BAIAP2L1: variants seen among roughly 807,000 people sequenced by gnomAD.
BAIAP2L1 encodes the protein BAR/IMD domain containing adaptor protein 2 like 1, also known as BAR/IMD domain-containing adapter protein 2-like 1.
In BAIAP2L1, 35 loss-of-function variants were observed where a neutral mutation model predicts 66.3. The observed-to-expected ratio is 0.53, with a 90% CI of 0.40 to 0.70. The LOEUF is 0.70. Ranked by LOEUF, BAIAP2L1 falls within the 30% of genes least tolerant of loss-of-function variation. The probability of loss-of-function intolerance (pLI) is 0.00; values close to 1 mark genes in which losing one functional copy is unlikely to be tolerated. For synonymous variants in BAIAP2L1, 269 were observed against 248.7 expected, an observed-to-expected ratio of 1.08 and a Z score of -0.77; for missense variants, 622 against 656.9, an observed-to-expected ratio of 0.95 and a Z score of 0.58.
intron 1 of BAIAP2L1, among the ~76,000 whole-genome samples, chr7:98,363,027 C>CTT (rs71537235): frequency 0.011 from 852 of 75,444 alleles, 3 homozygotes; most frequent in African/African-American, 0.021. Context: ...GGCATTTTTT[C>CTT]TTTTTTTTTT....
rs1803134805 is a variant in BAIAP2L1, at chr7:98,393,929, C to A, written c.51+6873G>T. On this transcript the variant is annotated intron_variant, in intron 1 of 13. Transcript: ENST00000005260. ...GACCAGCCTGAACAACATGGTGAAA[C>A]CCCATCTCTACTAAAAATATAAAAA... Among the ~76,000 whole-genome samples, 3 of 148,878 alleles carry A rather than the reference C, an allele frequency of 2.0e-5. No homozygotes were observed. The South Asian group carries it at 6.4e-4, about 32-fold the overall frequency.
intron 12 of BAIAP2L1, among the ~76,000 whole-genome samples, chr7:98,300,873 T>C (rs1328983319): frequency 6.6e-6 from 1 of 152,152 alleles, no homozygotes; most frequent in African/African-American, 2.4e-5. Context: ...CCAGGCCTTG[T>C]GTTTTTGCCG....
intron 3 of BAIAP2L1, among the ~76,000 whole-genome samples, chr7:98,353,544 T>TATATTATAAATATACGTATATTA (rs1802049904): frequency 2.9e-5 from 4 of 136,092 alleles, no homozygotes; most frequent in African/African-American, 1.1e-4. Flanking sequence ...TACATATATT[T>TATATTATAAATATACGTATATTA]ATATTATAAA....
In BAIAP2L1 at chr7:98,394,299, T is replaced by C. The variant is rs1354229103; in HGVS notation, c.51+6503A>G. On this transcript the variant is annotated intron_variant, in intron 1 of 13. Coordinates refer to ENST00000005260, the MANE Select transcript of BAIAP2L1 (RefSeq NM_018842.5). Reference sequence around the variant, plus strand: ...TAAAACAAACAAAAAATCCCTTTCATGCATGCAGTTATGATAGTTTTAGAG... The same window carrying C: ...TAAAACAAACAAAAAATCCCTTTCACGCATGCAGTTATGATAGTTTTAGAG... Among the ~76,000 whole-genome samples, 2 of 152,020 alleles carry C rather than the reference T, an allele frequency of 1.3e-5. 1 individual carries two copies. Among genetic ancestry groups the C allele is most frequent in the Non-Finnish European group, 2.9e-5 (2 of 68,008 alleles).
At chr7:98,361,305 C>T (rs10224009) in intron 2 of BAIAP2L1, among the ~76,000 whole-genome samples, 3 of 151,158 alleles carry the variant, frequency 2.0e-5, no homozygotes, top group Admixed American at 1.3e-4. Context: ...TGCAGTGAGC[C>T]GAGATTGTTC....
rs780863129 is a variant in BAIAP2L1, at chr7:98,304,202, C to T, written c.1416G>A (p.Ala472=). Residue 472 remains alanine (A), a synonymous_variant, in exon 12 of 14, where the codon GCG becomes GCA. Transcript: ENST00000005260. The part of the protein sequence containing the change: ...FKAPASKPET[A]APNDANGTAK... ...CTGCTGCGGCTTTACTCACAGGAGCCGCGGTCTCGGGCTTGGACGCTGGGG... is the reference window on the plus strand; with the variant it reads ...CTGCTGCGGCTTTACTCACAGGAGCTGCGGTCTCGGGCTTGGACGCTGGGG... The T allele has an allele frequency of 2.1e-5, 33 of 1,591,328 alleles. No homozygotes were observed. In the East Asian group the frequency reaches 3.4e-4, roughly 16 times the overall value.
At chr7:98,297,570 T>C (rs769995117) in intron 12 of BAIAP2L1, among the ~76,000 whole-genome samples, 1 of 152,208 alleles carries the variant, frequency 6.6e-6, no homozygotes, top group Non-Finnish European at 1.5e-5. Context: ...CACTGACACC[T>C]GTCTTCAGTG....
At position 98,293,529 on chromosome 7, in the gene BAIAP2L1, T is replaced by C. The variant is rs1421515060; in HGVS notation, c.1528A>G (p.Ile510Val). 1 of 1,613,372 alleles carries C rather than the reference T, an allele frequency of 6.2e-7. No individual in the cohort carries two copies. The highest frequency in any genetic ancestry group is 1.7e-5 in the Admixed American group (1 of 60,016). Residue 510 changes from isoleucine (I) to valine (V), a missense_variant, in exon 14 of 14, where the codon ATT (isoleucine) becomes GTT (valine). Physicochemically the swap from Ile to Val is conservative, Grantham distance 29 (BLOSUM62 3). Coordinates refer to ENST00000005260, the MANE Select transcript of BAIAP2L1 (RefSeq NM_018842.5). ...AGTCCTTGGCTGTCCTCTCATCGAA[T>C]GATGGGTGCCGAGCGATCATTCGTC... ...TVTNDRSAPIIR is the reference protein window; with the variant it reads ...TVTNDRSAPIVR
At chr7:98,294,190 G>A in intron 12 of BAIAP2L1, 79 bp from the exon 13 acceptor site, 3 of 1,482,920 alleles carry the variant, frequency 2.0e-6, no homozygotes, top group Non-Finnish European at 2.8e-6. Context: ...ATGGGGATTT[G>A]CTATGTTGCC....
chr7:98,293,407 A>T lies in BAIAP2L1; in HGVS notation c.*114T>A. 1.1e-6 allele frequency: 1 copy of T among 938,258 alleles called. No homozygotes were observed. The highest frequency in any genetic ancestry group is 1.7e-6 in the Non-Finnish European group (1 of 599,898). The allele number at this position is 938,258 out of a possible 1,614,324, so 58.1% of individuals were successfully genotyped here. ...ATGATTTGCTTAAGCAGGCGACATT[A>T]GAGTTAGGCCTCTCCACTGAAGCTT... On this transcript the variant is annotated 3_prime_UTR_variant, in exon 14 of 14. Coordinates refer to ENST00000005260, the MANE Select transcript of BAIAP2L1 (RefSeq NM_018842.5).
intron 13 of BAIAP2L1, among the ~76,000 whole-genome samples, chr7:98,293,866 G>T (rs1271979442): frequency 6.6e-6 from 1 of 152,214 alleles, no homozygotes; most frequent in Non-Finnish European, 1.5e-5. Context: ...TGTGACATGG[G>T]GGTCACTCTG....
chr7:98,331,367 C>T (rs922326840), intron 3 of BAIAP2L1, among the ~76,000 whole-genome samples: 1 of 151,896 alleles, frequency 6.6e-6, no homozygotes. Context: ...CACCAAACCA[C>T]AGACCCAAAA....
At chr7:98,354,429 A>G (rs1483015431) in intron 3 of BAIAP2L1, among the ~76,000 whole-genome samples, 2 of 152,158 alleles carry the variant, frequency 1.3e-5, no homozygotes, top group African/African-American at 4.8e-5. Flanking sequence ...AACATATTCA[A>G]CAAGTTTTTT....
chr7:98,394,751 G>GC (rs1209309461), intron 1 of BAIAP2L1, among the ~76,000 whole-genome samples: 3 of 152,178 alleles, frequency 2.0e-5, no homozygotes, highest in Admixed American at 2.0e-4. Context: ...AGAAATGAGG[G>GC]CCTATGGCCA....
At chr7:98,326,093 A>C (rs1291989675) in intron 3 of BAIAP2L1, among the ~76,000 whole-genome samples, 1 of 152,214 alleles carries the variant, frequency 6.6e-6, no homozygotes, top group Non-Finnish European at 1.5e-5. Context: ...GATGGGCCAC[A>C]CAGTGAAACC....
intron 3 of BAIAP2L1, 133 bp downstream of exon 3, chr7:98,354,909 A>T: frequency 3.0e-6 from 2 of 676,124 alleles, no homozygotes; most frequent in Non-Finnish European, 5.4e-6. Flanking sequence ...ATTTCCACAG[A>T]CCGCGGTGAA....
In BAIAP2L1 at chr7:98,304,326, C is replaced by G; in HGVS notation, c.1292G>C (p.Ser431Thr). ...GTAGTCGGGTGGGGGGATGACAACA[C>G]TGCTATTCTCAGACAAGTTCACGGT... Reference protein sequence around the residue: ...ISTVNLSENSSVVIPPPDYLE... With the variant: ...ISTVNLSENSTVVIPPPDYLE... The change falls in exon 12 of 14, where the codon AGT becomes ACT. Residue 431 changes from serine to threonine, a missense_variant. Physicochemically the swap from Ser to Thr is moderately conservative, Grantham distance 58. Coordinates refer to ENST00000005260, the MANE Select transcript of BAIAP2L1 (RefSeq NM_018842.5). The G allele has an allele frequency of 6.2e-7, 1 of 1,613,640 alleles. No homozygotes were observed. The highest frequency in any genetic ancestry group is 8.5e-7 in the Non-Finnish European group (1 of 1,179,784).
chr7:98,364,671 T>C (rs1046872093), intron 1 of BAIAP2L1, among the ~76,000 whole-genome samples: 1 of 152,076 alleles, frequency 6.6e-6, no homozygotes, highest in African/African-American at 2.4e-5. Flanking sequence ...ATTGAAACTA[T>C]TTTCCTTAGA....
intron 1 of BAIAP2L1, among the ~76,000 whole-genome samples, chr7:98,397,966 C>T (rs932769260): frequency 4.6e-5 from 7 of 152,140 alleles, no homozygotes; most frequent in African/African-American, 1.4e-4. Context: ...CAAATGTGTA[C>T]ACAGCATATA....
Sources: allele counts gnomAD v4.1 joint callset (sites outside exome capture counted in the v4.1 genomes callset), GRCh38; gene constraint gnomAD v4.1.1; transcripts MANE v1.5; gene names NCBI Gene and HGNC (gene_info 2026-07-23, HGNC 2026-07-21).